COL17A1: variants seen among roughly 807,000 people sequenced by gnomAD.
COL17A1 encodes the protein collagen type XVII alpha 1 chain, also known as collagen alpha-1(XVII) chain.
COL17A1 carries 181 observed loss-of-function variants against 218.4 expected under a neutral mutation model. That is an observed-to-expected ratio of 0.83 (90% CI 0.73 to 0.94). COL17A1 has a LOEUF of 0.94. Ranked by LOEUF, COL17A1 falls within the 40% of genes least tolerant of loss-of-function variation. COL17A1 has a pLI of 0.00. For synonymous variants in COL17A1, 721 were observed against 731.0 expected (o/e 0.99, Z 0.22); for missense variants, 1,924 against 1,945.9 (o/e 0.99, Z 0.21).
chr10:104,042,206 C>T (rs572266850), intron 36 of COL17A1, among the ~76,000 whole-genome samples: 8 of 152,310 alleles, frequency 5.3e-5, no homozygotes, highest in African/African-American at 1.9e-4. Flanking sequence ...CCAAGTCTGC[C>T]CCTGGTCCTC....
intron 9 of COL17A1, among the ~76,000 whole-genome samples, chr10:104,065,651 G>GA (rs2086620316): frequency 6.6e-6 from 1 of 152,194 alleles, no homozygotes; most frequent in South Asian, 2.1e-4. Flanking sequence ...TCATTTGGGG[G>GA]ATCTGGCCAA....
rs377336476 is a variant in COL17A1, at chr10:104,042,448, G to T, written c.2523C>A (p.Ala841=). The T allele has an allele frequency of 3.1e-6, 5 of 1,614,170 alleles. No homozygotes were observed. In the South Asian group the frequency reaches 3.3e-5, roughly 11 times the overall value. The change falls in exon 36 of 56, where the codon GCC becomes GCA. Residue 841 remains alanine (A), a synonymous_variant. Coordinates refer to ENST00000648076, the MANE Select transcript of COL17A1 (RefSeq NM_000494.4). ...GATGTCCTGGGAGACCAGCTGGGCCGGCAGGGCCTGGAAACGGGGTTGAGG... is the reference window on the plus strand; with the variant it reads ...GATGTCCTGGGAGACCAGCTGGGCCTGCAGGGCCTGGAAACGGGGTTGAGG... The part of the protein sequence containing the change: ...PPGPPGAPGP[A]GPAGLPGHQE...
In COL17A1 at chr10:104,060,151, A is replaced by G; in HGVS notation, c.1109T>C (p.Val370Ala). The G allele has an allele frequency of 6.2e-7, 1 of 1,613,996 alleles. No individual in the cohort carries two copies. The change falls in exon 14 of 56, where the codon GTC becomes GCC. Residue 370 changes from valine to alanine, a missense_variant. Val to Ala is a moderately conservative substitution (Grantham distance 64). Transcript: ENST00000648076. ...LLIMTKDSGKVFTASPASIAA... is the reference protein window; with the variant it reads ...LLIMTKDSGKAFTASPASIAA... ...GATGCTGGCAGGGGAGGCTGTAAAG[A>G]CCTTCCCGCTGTCCTTGGTCATGAT... is the stretch of plus-strand genomic sequence containing the variant.
At chr10:104,051,201 A>G (rs545135959) in intron 25 of COL17A1, among the ~76,000 whole-genome samples, 1 of 152,286 alleles carries the variant, frequency 6.6e-6, no homozygotes, top group East Asian at 1.9e-4. Context: ...GGGACAAGAG[A>G]GAGGCAGGTG....
At chr10:104,071,899 T>A in intron 8 of COL17A1, 133 bp downstream of exon 8, 2 of 1,434,630 alleles carry the variant, frequency 1.4e-6, no homozygotes, top group Non-Finnish European at 1.9e-6. Flanking sequence ...TTAAAGATGT[T>A]TTATGATTGC....
chr10:104,056,103 G>T, intron 17 of COL17A1, 100 bp from the exon 18 acceptor site: 1 of 1,411,788 alleles, frequency 7.1e-7, no homozygotes, highest in Non-Finnish European at 1.0e-6. Flanking sequence ...ATTGGGGCCT[G>T]TGGTGGCTTC....
In COL17A1 at chr10:104,057,105, G is replaced by T; in HGVS notation, c.1335C>A (p.Gly445=). The T allele has an allele frequency of 1.2e-6, 2 of 1,612,848 alleles. No homozygotes were observed. The highest frequency in any genetic ancestry group is 1.7e-6 in the Non-Finnish European group (2 of 1,179,178). The change falls in exon 17 of 56, where the codon GGC becomes GGA. Residue 445 remains glycine (G), a synonymous_variant. Coordinates refer to ENST00000648076, the MANE Select transcript of COL17A1 (RefSeq NM_000494.4). The part of the protein sequence containing the change: ...SGGGGGVGGA[G]GGPWGPAPAW... ...CTGGCGCTGGTCCCCAAGGGCCGCC[G>T]CCAGCGCCACCAACACCGCCACCTC...
In COL17A1 at chr10:104,073,227, C is replaced by T. The variant is rs377510926; in HGVS notation, c.398G>A (p.Gly133Glu). ...GCACTCACCTCGTGTTTGACTCCGTCCTCTGGTTGAAGAAGATGCTGAGAA... is the reference window on the plus strand; with the variant it reads ...GCACTCACCTCGTGTTTGACTCCGTTCTCTGGTTGAAGAAGATGCTGAGAA... ...RKEFASSSTRGRSQTRESEIR... is the reference protein window; with the variant it reads ...RKEFASSSTRERSQTRESEIR... Residue 133 changes from glycine (G) to glutamate (E), a missense_variant, in exon 7 of 56, where the codon GGA becomes GAA. Gly to Glu is a moderately conservative substitution (Grantham distance 98, BLOSUM62 -2). Transcript: ENST00000648076. 8.7e-6 allele frequency: 14 copies of T among 1,613,800 alleles called. No homozygotes were observed. In the Middle Eastern group the frequency reaches 4.9e-4, roughly 57 times the overall value.
chr10:104,039,610 G>A lies in COL17A1; in HGVS notation c.2819C>T (p.Ser940Leu), dbSNP rs763104222. The change falls in exon 42 of 56, where the codon TCA becomes TTA. Residue 940 changes from serine (S) to leucine (L), a missense_variant and splice_region_variant. Physicochemically the swap from Ser to Leu is moderately radical, Grantham distance 145 (BLOSUM62 -2). Transcript: ENST00000648076. ...GEQGLPGFSTSGSSSFGLNLQ... is the reference protein window; with the variant it reads ...GEQGLPGFSTLGSSSFGLNLQ... ...ATGGGGCGGGGTTCAGCCCTTACCT[G>A]AGGTTGAGAAACCTGGGAGGCCTTG... 6.2e-7 allele frequency: 1 copy of A among 1,614,144 alleles called. No homozygotes were observed. Among genetic ancestry groups the A allele is most frequent in the Non-Finnish European group, 8.5e-7 (1 of 1,180,018 alleles).
intron 5 of COL17A1, among the ~76,000 whole-genome samples, chr10:104,074,677 G>A (rs770285816): frequency 6.6e-6 from 1 of 152,180 alleles, no homozygotes; most frequent in Admixed American, 6.5e-5. Flanking sequence ...GGTCAGGCCC[G>A]ACCTCAGAAA....
chr10:104,058,255 G>A, intron 15 of COL17A1, 65 bp from the exon 16 acceptor site: 1 of 1,606,620 alleles, frequency 6.2e-7, no homozygotes, highest in Non-Finnish European at 8.5e-7. Context: ...TGCCTATGGA[G>A]TAGCCATTTT....
rs1469922553 is a variant in COL17A1, at chr10:104,037,776, G to T, written c.3071-3C>A. Reference sequence around the variant, plus strand: ...TAGGTAAGATCTAATACTGTCACCTGCCGACCAAGGAACAAAGCAAAGTCA... The same window carrying T: ...TAGGTAAGATCTAATACTGTCACCTTCCGACCAAGGAACAAAGCAAAGTCA... On this transcript the variant is annotated splice_polypyrimidine_tract_variant and splice_region_variant and intron_variant, in intron 45 of 55. Transcript: ENST00000648076. 1 of 1,613,618 alleles carries T rather than the reference G, an allele frequency of 6.2e-7. No individual in the cohort carries two copies. The highest frequency in any genetic ancestry group is 1.3e-5 in the African/African-American group (1 of 75,026).
chr10:104,052,914 C>T, intron 23 of COL17A1, 117 bp downstream of exon 23: 1 of 1,266,480 alleles, frequency 7.9e-7, no homozygotes. Context: ...AGGGTGGGTG[C>T]TCAGTAAATG....
rs1589569172 is a variant in COL17A1, at chr10:104,058,074, C to T, written c.1267+72G>A. 21 of 1,604,670 alleles carry T rather than the reference C, an allele frequency of 1.3e-5. No individual in the cohort carries two copies. In the East Asian group the frequency reaches 4.7e-4, roughly 36 times the overall value. The stretch of plus-strand genomic sequence containing the variant: ...ACTGCACTGCTTCCAGGCGAGGGAC[C>T]ATCATCTGGTCCATTAGCCATAAGC... On this transcript the variant is annotated intron_variant, in intron 16 of 55. Transcript: ENST00000648076.
At chr10:104,071,639 C>G (rs958398291) in intron 8 of COL17A1, among the ~76,000 whole-genome samples, 1 of 152,124 alleles carries the variant, frequency 6.6e-6, no homozygotes, top group African/African-American at 2.4e-5. Context: ...AGGCTCATCC[C>G]TTTGAGCCGA....
chr10:104,080,516 G>T, intron 2 of COL17A1, 106 bp downstream of exon 2: 1 of 1,325,948 alleles, frequency 7.5e-7, no homozygotes, highest in Non-Finnish European at 1.1e-6. Context: ...ACTTAAACAT[G>T]ATACAGTGGT....
At chr10:104,078,029 T>C (rs2086727313) in intron 3 of COL17A1, among the ~76,000 whole-genome samples, 1 of 152,002 alleles carries the variant, frequency 6.6e-6, no homozygotes, top group Admixed American at 6.6e-5. Flanking sequence ...GCTCTCCCCA[T>C]CCCCAGGGAA....
intron 5 of COL17A1, among the ~76,000 whole-genome samples, chr10:104,075,667 T>C (rs2086703402): frequency 6.6e-6 from 1 of 152,244 alleles, no homozygotes; most frequent in Non-Finnish European, 1.5e-5. Flanking sequence ...TGGCTTCCCA[T>C]TGCATATGGA....
intron 7 of COL17A1, among the ~76,000 whole-genome samples, chr10:104,072,754 A>G (rs1487618715): frequency 6.6e-6 from 1 of 152,140 alleles, no homozygotes; most frequent in African/African-American, 2.4e-5. Context: ...CTCCTATATC[A>G]TTGTCTACAT....
Sources: allele counts gnomAD v4.1 joint callset (sites outside exome capture counted in the v4.1 genomes callset), GRCh38; gene constraint gnomAD v4.1.1; transcripts MANE v1.5; gene names NCBI Gene and HGNC (gene_info 2026-07-23, HGNC 2026-07-21).